Variants in ERC2 observed in about 807,000 individuals in gnomAD.
ERC2 encodes ELKS/RAB6-interacting/CAST family member 2.
In ERC2, 42 loss-of-function variants were observed where a neutral mutation model predicts 114.8. The ratio of observed to expected loss-of-function variants is 0.37; its 90% CI spans 0.29 to 0.47. ERC2 has a LOEUF of 0.47. ERC2 is among the 20% of genes least tolerant of loss of function. ERC2 has a pLI of 0.99. For missense variants in ERC2, 939 were observed against 1,150.7 expected, an observed-to-expected ratio of 0.82 and a Z score of 2.66; for synonymous variants, 454 against 425.5, an observed-to-expected ratio of 1.07 and a Z score of -0.82.
At chr3:56,374,255 C>T (rs1220333670) in intron 2 of ERC2, among the ~76,000 whole-genome samples, 1 of 152,076 alleles carries the variant, frequency 6.6e-6, no homozygotes, top group Admixed American at 6.6e-5. Context: ...TGCCACCACG[C>T]CCAGCTAATT....
chr3:56,212,666 G>A (rs1025129824), intron 3 of ERC2, among the ~76,000 whole-genome samples: 3 of 152,074 alleles, frequency 2.0e-5, no homozygotes, highest in African/African-American at 7.2e-5. Context: ...GTTTATAGCG[G>A]CACAATTTGC....
Position 56,169,401 on chromosome 3 carries a change from C to CT in ERC2, c.1149+4044dup, listed in dbSNP as rs1352567921. ...TTCAGCTGCTAAGTTTGGAGTGAAGCTTTATGTGTCATCTCAGTAATTATT... is the reference window on the plus strand; with the variant it reads ...TTCAGCTGCTAAGTTTGGAGTGAAGCTTTTATGTGTCATCTCAGTAATTATT... On this transcript the variant is annotated intron_variant, in intron 4 of 17. Transcript: ENST00000288221. 2.0e-5 allele frequency among the ~76,000 whole-genome samples: 3 copies of CT among 152,152 alleles called. No homozygotes were observed. In the East Asian group the frequency reaches 5.8e-4, roughly 29 times the overall value.
At chr3:55,635,159 A>G (rs1253575565) in intron 17 of ERC2, among the ~76,000 whole-genome samples, 1 of 152,118 alleles carries the variant, frequency 6.6e-6, no homozygotes, top group Non-Finnish European at 1.5e-5. Context: ...CTGGGATTAC[A>G]GGCGTGAGCC....
intron 6 of ERC2, among the ~76,000 whole-genome samples, chr3:56,098,399 A>T (rs2078176303): frequency 6.6e-6 from 1 of 152,198 alleles, no homozygotes; most frequent in Non-Finnish European, 1.5e-5. Context: ...CTTGCCAGGC[A>T]CTTTAGATCC....
chr3:56,369,838 G>A (rs113027276), intron 2 of ERC2, among the ~76,000 whole-genome samples: 4,324 of 152,086 alleles, frequency 0.028, 70 homozygotes, highest in South Asian at 0.071. Flanking sequence ...CATCACGCCC[G>A]GCTAATTTTT....
chr3:55,871,030 C>G (rs2062559820), intron 14 of ERC2, among the ~76,000 whole-genome samples: 1 of 152,158 alleles, frequency 6.6e-6, no homozygotes, highest in Non-Finnish European at 1.5e-5. Context: ...AAGCCCAACA[C>G]AAAAATCTAG....
rs567620978 is a variant in ERC2 at position 56,032,819 on chromosome 3, T to C, written c.1642-13788A>G. ...GAATTCAACTCCAACCTGAGAAACA[T>C]AGTGAGACCCTGTCTGTTGGAAGAA... On this transcript the variant is annotated intron_variant, in intron 7 of 17. Transcript: ENST00000288221. Among the ~76,000 whole-genome samples, 7 of 135,774 alleles carry C rather than the reference T, an allele frequency of 5.2e-5. No homozygotes were observed. The East Asian group carries it at 1.3e-3, about 25-fold the overall frequency. The allele number at this position is 135,774 out of a possible 152,430, so 89.1% of individuals were successfully genotyped here.
intron 2 of ERC2, among the ~76,000 whole-genome samples, chr3:56,351,172 G>C (rs1209185266): frequency 1.3e-5 from 2 of 152,070 alleles, no homozygotes; most frequent in African/African-American, 4.8e-5. Context: ...TGAAGAAACA[G>C]AGCAATTCTT....
intron 2 of ERC2, among the ~76,000 whole-genome samples, chr3:56,307,484 A>G (rs2056296034): frequency 6.6e-6 from 1 of 152,210 alleles, no homozygotes; most frequent in Admixed American, 6.5e-5. Flanking sequence ...AAGTGGGGAT[A>G]ACAGTGTAGA....
At chr3:56,160,901 T>C (rs2082009616) in intron 4 of ERC2, among the ~76,000 whole-genome samples, 1 of 152,214 alleles carries the variant, frequency 6.6e-6, no homozygotes, top group Admixed American at 6.5e-5. Context: ...TAGTTTGACA[T>C]CGGGTAATAT....
intron 12 of ERC2, among the ~76,000 whole-genome samples, chr3:55,982,734 G>C (rs2070260107): frequency 6.6e-6 from 1 of 152,156 alleles, no homozygotes; most frequent in South Asian, 2.1e-4. Flanking sequence ...GAGGGAATGG[G>C]GCAAAATACT....
At chr3:55,530,895 C>G (rs141865484) in intron 17 of ERC2, among the ~76,000 whole-genome samples, 1 of 152,320 alleles carries the variant, frequency 6.6e-6, no homozygotes, top group African/African-American at 2.4e-5. Flanking sequence ...CCATCTCACA[C>G]AGGAGCACGG....
At chr3:55,602,318 C>T (rs1471982904) in intron 17 of ERC2, among the ~76,000 whole-genome samples, 2 of 152,132 alleles carry the variant, frequency 1.3e-5, no homozygotes, top group Non-Finnish European at 2.9e-5. Flanking sequence ...ATGCTCACAA[C>T]CCTTCCCTAA....
intron 14 of ERC2, among the ~76,000 whole-genome samples, chr3:55,877,522 T>C (rs1044871677): frequency 6.6e-6 from 1 of 150,644 alleles, no homozygotes; most frequent in African/African-American, 2.4e-5. Flanking sequence ...TTTCTTTTTT[T>C]TTTTTTTGAG....
At chr3:55,995,452 A>C (rs144732388) in intron 10 of ERC2, among the ~76,000 whole-genome samples, 141 of 152,338 alleles carry the variant, frequency 9.3e-4, no homozygotes, top group African/African-American at 3.3e-3. Context: ...AACTTATGTC[A>C]AGCCACTTTC....
chr3:56,035,064 G>A (rs2074704345), intron 7 of ERC2, among the ~76,000 whole-genome samples: 1 of 151,812 alleles, frequency 6.6e-6, no homozygotes. Context: ...AAACAAAATT[G>A]ACAAACCTTT....
intron 7 of ERC2, among the ~76,000 whole-genome samples, chr3:56,062,320 G>A (rs1341450471): frequency 6.6e-6 from 1 of 152,128 alleles, no homozygotes; most frequent in East Asian, 1.9e-4. Flanking sequence ...GTACACCTCT[G>A]TACAAGATCT....
intron 14 of ERC2, among the ~76,000 whole-genome samples, chr3:55,847,567 T>C (rs6798221): frequency 0.025 from 3,813 of 152,174 alleles, 140 homozygotes; most frequent in African/African-American, 0.088. Context: ...ATCACCAGCA[T>C]TGAAACTAAT....
At chr3:55,592,632 G>A (rs1022381502) in intron 17 of ERC2, among the ~76,000 whole-genome samples, 2 of 152,132 alleles carry the variant, frequency 1.3e-5, no homozygotes, top group Non-Finnish European at 2.9e-5. Flanking sequence ...ATGACGAAGT[G>A]TATTTTTTTC....
Sources: gnomAD v4.1 joint callset for allele counts (sites outside exome capture counted in the v4.1 genomes callset) on GRCh38, gnomAD v4.1.1 for gene constraint, MANE v1.5 for transcripts, NCBI Gene and HGNC (gene_info 2026-07-23, HGNC 2026-07-21) for gene names.